The following QTRT2 variants were observed in gnomAD, a reference collection of about 807,000 sequenced individuals.
The protein encoded by QTRT2 is queuine tRNA-ribosyltransferase accessory subunit 2.
In QTRT2, 32 loss-of-function variants were observed where a neutral mutation model predicts 44.8. The observed-to-expected ratio is 0.71, with a 90% CI of 0.54 to 0.96. The LOEUF (loss-of-function observed/expected upper bound fraction) is 0.96, where lower values mean the gene tolerates loss of function less well. QTRT2 is among the 40% of genes least tolerant of loss of function. QTRT2 has a pLI of 0.00. For synonymous variants in QTRT2, 182 were observed against 187.4 expected, an observed-to-expected ratio of 0.97 and a Z score of 0.24; for missense variants, 461 against 503.1, an observed-to-expected ratio of 0.92 and a Z score of 0.80.
chr3:114,082,173 TAC>T (rs1176878418), intron 8 of QTRT2, among the ~76,000 whole-genome samples: 1 of 151,402 alleles, frequency 6.6e-6, no homozygotes, highest in Non-Finnish European at 1.5e-5. Flanking sequence ...TATTTGCATG[TAC>T]ATTATGATAA....
At chr3:114,081,058 T>C (rs2077159812) in intron 8 of QTRT2, among the ~76,000 whole-genome samples, 1 of 152,202 alleles carries the variant, frequency 6.6e-6, no homozygotes, top group African/African-American at 2.4e-5. Context: ...AACTGAATTA[T>C]TTCCACCAGA....
intron 7 of QTRT2, 46 bp from the exon 8 acceptor site, chr3:114,079,860 T>C (rs768267145): frequency 1.3e-6 from 2 of 1,586,788 alleles, no homozygotes; most frequent in Non-Finnish European, 8.6e-7. Flanking sequence ...CTGATTTCCT[T>C]CCTTGCATTG....
chr3:114,078,854 C>G (rs896684524), intron 7 of QTRT2: 1 of 152,114 alleles, frequency 6.6e-6, no homozygotes, highest in Non-Finnish European at 1.5e-5. Flanking sequence ...GATGCTCAAC[C>G]TGTACCTTGG....
chr3:114,064,574 A>G (rs1476741503), intron 2 of QTRT2, among the ~76,000 whole-genome samples: 3 of 152,124 alleles, frequency 2.0e-5, no homozygotes, highest in Admixed American at 6.5e-5. Context: ...TTAAACACAT[A>G]TTAGTCTTTC....
At chr3:114,063,404 A>T (rs566491984) in intron 2 of QTRT2, among the ~76,000 whole-genome samples, 1 of 152,214 alleles carries the variant, frequency 6.6e-6, no homozygotes, top group East Asian at 1.9e-4. Flanking sequence ...TTATTAGCTT[A>T]TAAGTATAGT....
chr3:114,064,041 C>G (rs1216365834), intron 2 of QTRT2, among the ~76,000 whole-genome samples: 2 of 151,936 alleles, frequency 1.3e-5, no homozygotes. Flanking sequence ...ATGGTGAAAC[C>G]CCATTTCTAC....
chr3:114,066,159 C>A, intron 3 of QTRT2, 69 bp from the exon 4 acceptor site: 1 of 1,114,676 alleles, frequency 9.0e-7, no homozygotes, highest in Non-Finnish European at 1.4e-6. Context: ...GAGAAGAGGG[C>A]TCCAGTTGTA....
At chr3:114,074,960 G>A (rs1210256949) in intron 6 of QTRT2, among the ~76,000 whole-genome samples, 1 of 152,112 alleles carries the variant, frequency 6.6e-6, no homozygotes, top group Non-Finnish European at 1.5e-5. Context: ...TTTACTCTAT[G>A]GATAAACATT....
intron 6 of QTRT2, among the ~76,000 whole-genome samples, chr3:114,073,497 A>C (rs559156851): frequency 1.3e-5 from 2 of 152,106 alleles, no homozygotes; most frequent in South Asian, 2.1e-4. Flanking sequence ...CTCCTGTGTC[A>C]GCTTCCTCAG....
At chr3:114,067,585 A>C (rs1289306381) in intron 4 of QTRT2, among the ~76,000 whole-genome samples, 1 of 152,222 alleles carries the variant, frequency 6.6e-6, no homozygotes, top group Non-Finnish European at 1.5e-5. Context: ...ATTATTAGTG[A>C]GATCACTTTG....
intron 2 of QTRT2, among the ~76,000 whole-genome samples, chr3:114,060,539 GA>G (rs2076871237): frequency 6.9e-6 from 1 of 145,804 alleles, no homozygotes; most frequent in Non-Finnish European, 1.5e-5. Flanking sequence ...TAGATAGATA[GA>G]TAGATAAGAT....
intron 7 of QTRT2, 42 bp downstream of exon 7, chr3:114,076,984 A>G (rs751158633): frequency 7.0e-6 from 11 of 1,577,052 alleles, no homozygotes; most frequent in Middle Eastern, 1.8e-4. Flanking sequence ...CAAGGGATGC[A>G]GGGAAGGAGT....
intron 8 of QTRT2, among the ~76,000 whole-genome samples, chr3:114,080,270 A>T (rs904096711): frequency 6.6e-6 from 1 of 152,242 alleles, no homozygotes. Context: ...ATGTGATTTT[A>T]TAGTGAAAAG....
intron 9 of QTRT2, among the ~76,000 whole-genome samples, chr3:114,083,838 C>CT (rs961947818): frequency 5.3e-5 from 8 of 151,662 alleles, no homozygotes; most frequent in East Asian, 1.9e-4. Context: ...TTCTTTTACC[C>CT]TTTTTTTTCT....
chr3:114,065,772 C>T (rs1327805251), intron 3 of QTRT2, among the ~76,000 whole-genome samples: 2 of 152,140 alleles, frequency 1.3e-5, no homozygotes, highest in Non-Finnish European at 2.9e-5. Context: ...GAGCTGTTAT[C>T]ATGCACCAGC....
At chr3:114,070,445 C>A (rs562456508) in intron 5 of QTRT2, among the ~76,000 whole-genome samples, 181 bp from the exon 6 acceptor site, 4 of 151,966 alleles carry the variant, frequency 2.6e-5, no homozygotes, top group African/African-American at 9.7e-5. Flanking sequence ...CAAAAGTTGT[C>A]TTATATGACC....
chr3:114,086,656 C>CT lies in QTRT2; in HGVS notation c.*753dup, dbSNP rs1258983542. ...TCTGCCTTCCAGGCTCATTAATAGT[C>CT]TAACTACGTAATAACTGAAGACCTA... On this transcript the variant is annotated 3_prime_UTR_variant, in exon 10 of 10. Coordinates refer to ENST00000281273, the MANE Select transcript of QTRT2 (RefSeq NM_024638.4). The CT allele has an allele frequency of 6.6e-6, 1 of 152,500 alleles. No homozygotes were observed. Among genetic ancestry groups the CT allele is most frequent in the East Asian group, 1.9e-4 (1 of 5,200 alleles). The allele number at this position is 152,500 out of a possible 1,614,324, so 9.4% of individuals were successfully genotyped here.
intron 5 of QTRT2, 82 bp downstream of exon 5, chr3:114,068,145 C>T (rs2076978891): frequency 9.2e-7 from 1 of 1,090,692 alleles, no homozygotes; most frequent in Non-Finnish European, 1.4e-6. Context: ...TGCTCAGATC[C>T]CACTGTCTGG....
rs1167873975 is a variant in QTRT2, at chr3:114,070,641, A to G, written c.349A>G (p.Ser117Gly). 6.2e-7 allele frequency: 1 copy of G among 1,613,962 alleles called. No homozygotes were observed. The highest frequency in any genetic ancestry group is 1.1e-5 in the South Asian group (1 of 91,070). Residue 117 changes from serine (S) to glycine (G), a missense_variant, in exon 6 of 10, where the codon AGT becomes GGT. Ser to Gly is a moderately conservative substitution (Grantham distance 56). Transcript: ENST00000281273. Reference sequence around the variant, plus strand: ...TCCATGGCAGTCTGTGTCTGTGTGGAGTGTTGCAGGACGAGTGGAAATGAC... The same window carrying G: ...TCCATGGCAGTCTGTGTCTGTGTGGGGTGTTGCAGGACGAGTGGAAATGAC... ...YVTNKSVSVWSVAGRVEMTVS... is the reference protein window; with the variant it reads ...YVTNKSVSVWGVAGRVEMTVS...
Sources: allele counts gnomAD v4.1 joint callset (sites outside exome capture counted in the v4.1 genomes callset), GRCh38; gene constraint gnomAD v4.1.1; transcripts MANE v1.5; gene names NCBI Gene and HGNC (gene_info 2026-07-23, HGNC 2026-07-21).